RB1CC1: variants seen among roughly 807,000 people sequenced by gnomAD.
RB1CC1 encodes RB1-inducible coiled-coil protein 1.
RB1CC1 carries 46 observed loss-of-function variants against 177.5 expected under a neutral mutation model. That is an observed-to-expected ratio of 0.26 (90% CI 0.20 to 0.33). The LOEUF (loss-of-function observed/expected upper bound fraction) is 0.33, where lower values mean the gene tolerates loss of function less well. RB1CC1 is among the 10% of genes least tolerant of loss of function. The pLI is 1.00. For missense variants in RB1CC1, 1,703 were observed against 1,816.3 expected (o/e 0.94, Z 1.13); for synonymous variants, 666 against 613.6 (o/e 1.09, Z -1.26).
At chr8:52,677,406 T>C (rs1853228676) in intron 5 of RB1CC1, among the ~76,000 whole-genome samples, 1 of 152,000 alleles carries the variant, frequency 6.6e-6, no homozygotes, top group Non-Finnish European at 1.5e-5. Flanking sequence ...TAAGAACAAA[T>C]GGTCTGGAGG....
chr8:52,707,420 T>TTTTC (rs1183956398), intron 1 of RB1CC1, among the ~76,000 whole-genome samples: 34 of 144,790 alleles, frequency 2.3e-4, no homozygotes, highest in African/African-American at 8.0e-4. Flanking sequence ...TTTCTTTTCT[T>TTTTC]TTTCTTTCTT....
chr8:52,659,035 AT>A, intron 12 of RB1CC1, 59 bp from the exon 13 acceptor site: 1 of 824,686 alleles, frequency 1.2e-6, no homozygotes, highest in Non-Finnish European at 1.8e-6. Context: ...CAGACAGCAA[AT>A]TTATATGATT....
At chr8:52,631,847 A>G (rs775992723) in intron 20 of RB1CC1, among the ~76,000 whole-genome samples, 1 of 152,158 alleles carries the variant, frequency 6.6e-6, no homozygotes, top group Non-Finnish European at 1.5e-5. Flanking sequence ...CTTCTTACCA[A>G]ACCAGAGTCA....
chr8:52,649,343 C>T (rs1239145120), intron 15 of RB1CC1, among the ~76,000 whole-genome samples: 1 of 152,152 alleles, frequency 6.6e-6, no homozygotes, highest in Non-Finnish European at 1.5e-5. Flanking sequence ...TGAAAAAAGG[C>T]ATCTCTAAAG....
chr8:52,684,172 C>G (rs1217463938), intron 3 of RB1CC1, among the ~76,000 whole-genome samples, 159 bp from the exon 4 acceptor site: 4 of 152,126 alleles, frequency 2.6e-5, no homozygotes, highest in Non-Finnish European at 4.4e-5. Flanking sequence ...ATTTAATGAA[C>G]AGGATTCCAT....
chr8:52,687,449 T>G (rs1854370001), intron 1 of RB1CC1, among the ~76,000 whole-genome samples: 1 of 152,190 alleles, frequency 6.6e-6, no homozygotes, highest in African/African-American at 2.4e-5. Context: ...AGGCAGGGCC[T>G]GTGATCTGTT....
In RB1CC1 at chr8:52,657,336, A is replaced by C. The variant is rs146902526; in HGVS notation, c.2493T>G (p.Cys831Trp). ...TACATTTTAATGAATTTGAGAAGTC[A>C]CACTGTTCTTTTTGTACAAATGTTC... ...HFRTFVQKEQ[C>W]DFSNSLKCTA... The change falls in exon 15 of 24, where the codon TGT (cysteine) becomes TGG (tryptophan). Residue 831 changes from cysteine to tryptophan, a missense_variant. Cys to Trp is a radical substitution (Grantham distance 215). Coordinates refer to ENST00000025008, the MANE Select transcript of RB1CC1 (RefSeq NM_014781.5). 20 of 1,613,584 alleles carry C rather than the reference A, an allele frequency of 1.2e-5. No homozygotes were observed. The highest frequency in any genetic ancestry group is 3.4e-6 in the Non-Finnish European group (4 of 1,179,722).
chr8:52,649,125 C>T (rs969661842), intron 15 of RB1CC1, among the ~76,000 whole-genome samples: 1 of 152,104 alleles, frequency 6.6e-6, no homozygotes, highest in Non-Finnish European at 1.5e-5. Context: ...TCACATAAAA[C>T]GAAACTAGAC....
intron 1 of RB1CC1, among the ~76,000 whole-genome samples, chr8:52,695,458 A>G (rs1403175821): frequency 1.3e-5 from 2 of 152,192 alleles, no homozygotes; most frequent in East Asian, 3.9e-4. Context: ...TGTTTGCCTT[A>G]GGGCTTCAGT....
At chr8:52,676,242 C>A in intron 6 of RB1CC1, 127 bp downstream of exon 6, 1 of 788,724 alleles carries the variant, frequency 1.3e-6, no homozygotes, top group South Asian at 1.8e-5. Context: ...TCAGAAAAGG[C>A]TCAAAGAATA....
intron 12 of RB1CC1, among the ~76,000 whole-genome samples, chr8:52,659,883 G>C (rs937618777): frequency 3.9e-5 from 6 of 152,138 alleles, no homozygotes; most frequent in Non-Finnish European, 7.4e-5. Flanking sequence ...TCTAGTCCCA[G>C]CTACTTGGGA....
intron 7 of RB1CC1, among the ~76,000 whole-genome samples, chr8:52,671,443 G>A (rs566579410): frequency 6.6e-6 from 1 of 152,214 alleles, no homozygotes; most frequent in East Asian, 1.9e-4. Context: ...TTGGACAACC[G>A]TTTAATAAAA....
At chr8:52,668,214 C>A (rs752800732) in intron 7 of RB1CC1, 23 bp from the exon 8 acceptor site, 3 of 1,606,990 alleles carry the variant, frequency 1.9e-6, no homozygotes, top group Non-Finnish European at 2.5e-6. Context: ...GAAACACATA[C>A]GAATACAATT....
At chr8:52,694,789 T>C (rs778726895) in intron 1 of RB1CC1, among the ~76,000 whole-genome samples, 1 of 152,148 alleles carries the variant, frequency 6.6e-6, no homozygotes, top group Non-Finnish European at 1.5e-5. Flanking sequence ...TAACAGATGA[T>C]AGACCCAGGA....
chr8:52,624,678 ACAG>A (rs1848257599), intron 23 of RB1CC1, 36 bp downstream of exon 23: 1 of 1,474,464 alleles, frequency 6.8e-7, no homozygotes, highest in South Asian at 1.1e-5. Flanking sequence ...AATCTTCTTT[ACAG>A]TTCCCAGGCT....
At chr8:52,653,657 C>A (rs1391039856) in intron 15 of RB1CC1, among the ~76,000 whole-genome samples, 1 of 151,986 alleles carries the variant, frequency 6.6e-6, no homozygotes, top group Non-Finnish European at 1.5e-5. Flanking sequence ...GTTCCCTCAT[C>A]GAGACAGGAA....
Position 52,668,105 on chromosome 8 carries a change from T to G in RB1CC1, c.1089A>C (p.Lys363Asn). The change falls in exon 8 of 24, where the codon AAA becomes AAC. Residue 363 changes from lysine (K) to asparagine (N), a missense_variant. This residue lies in a region of RB1CC1 where 315 missense variants were observed against 304.9 expected (regional missense o/e 1.03). Coordinates refer to ENST00000025008, the MANE Select transcript of RB1CC1 (RefSeq NM_014781.5). ...GGGCGTAGAGCCGATCTTCAAGTCC[T>G]TTAATGGCTTTCATATTCTGATTAT... ...KLDNQNMKAIKGLEDRLYALD... is the reference protein window; with the variant it reads ...KLDNQNMKAINGLEDRLYALD... The G allele has an allele frequency of 1.2e-6, 2 of 1,614,184 alleles. No individual in the cohort carries two copies. The highest frequency in any genetic ancestry group is 1.1e-5 in the South Asian group (1 of 91,082).
At position 52,645,251 on chromosome 8, in the gene RB1CC1, C is replaced by G. The variant is rs144622475; in HGVS notation, c.3987+451G>C. 5.4e-3 allele frequency among the ~76,000 whole-genome samples: 828 copies of G among 152,232 alleles called. 7 individuals carry two copies. The highest frequency in any genetic ancestry group is 0.019 in the African/African-American group (796 of 41,544). On this transcript the variant is annotated intron_variant, in intron 16 of 23. Transcript: ENST00000025008. ...GAAAGGGTAAGATATTTATGTTGATCTGAATGTAATTTAGGATAACAAAGT... is the reference window on the plus strand; with the variant it reads ...GAAAGGGTAAGATATTTATGTTGATGTGAATGTAATTTAGGATAACAAAGT...
At chr8:52,630,814 T>C (rs369841328) in intron 20 of RB1CC1, among the ~76,000 whole-genome samples, 9 of 152,166 alleles carry the variant, frequency 5.9e-5, no homozygotes, top group African/African-American at 1.9e-4. Flanking sequence ...ACTTTGAAAA[T>C]TCTAATGCAT....
Sources: allele counts gnomAD v4.1 joint callset (sites outside exome capture counted in the v4.1 genomes callset), GRCh38; gene constraint gnomAD v4.1.1; regional missense constraint gnomAD v4.1.1; transcripts MANE v1.5; gene names NCBI Gene and HGNC (gene_info 2026-07-23, HGNC 2026-07-21).